Variants in KIAA0825 observed in about 807,000 individuals in gnomAD.
The protein encoded by KIAA0825 is uncharacterized protein KIAA0825.
In KIAA0825, 119 loss-of-function variants were observed where a neutral mutation model predicts 147.6. That is an observed-to-expected ratio of 0.81 (90% CI 0.69 to 0.94). The LOEUF (loss-of-function observed/expected upper bound fraction) is 0.94. Among genes scored for constraint, KIAA0825 ranks in the 40% least tolerant of loss-of-function variants. The pLI is 0.00. For missense variants in KIAA0825, 1,381 were observed against 1,472.7 expected (o/e 0.94, Z 1.02); for synonymous variants, 470 against 518.1 (o/e 0.91, Z 1.26).
intron 5 of KIAA0825, among the ~76,000 whole-genome samples, chr5:94,486,780 G>T (rs1352276660): frequency 6.6e-6 from 1 of 152,102 alleles, no homozygotes; most frequent in Non-Finnish European, 1.5e-5. Context: ...TTCCCATTTG[G>T]TCTATTTGAC....
At chr5:94,451,389 G>A (rs907542815) in intron 13 of KIAA0825, among the ~76,000 whole-genome samples, 1 of 152,102 alleles carries the variant, frequency 6.6e-6, no homozygotes, top group African/African-American at 2.4e-5. Context: ...ATTGCTTATA[G>A]TTGATTCCTA....
intron 5 of KIAA0825, among the ~76,000 whole-genome samples, chr5:94,485,712 A>G (rs1439043174): frequency 6.6e-6 from 1 of 151,826 alleles, no homozygotes; most frequent in Non-Finnish European, 1.5e-5. Flanking sequence ...AATTATTTGT[A>G]TTATCCTGGC....
chr5:94,282,779 T>C (rs1777520131), intron 20 of KIAA0825, among the ~76,000 whole-genome samples: 1 of 152,050 alleles, frequency 6.6e-6, no homozygotes, highest in South Asian at 2.1e-4. Flanking sequence ...GACAGGCAAA[T>C]AACTTTGACT....
intron 11 of KIAA0825, among the ~76,000 whole-genome samples, chr5:94,463,972 A>G (rs544601353): frequency 1.3e-5 from 2 of 151,364 alleles, no homozygotes; most frequent in South Asian, 4.2e-4. Flanking sequence ...TGTGCAAAAT[A>G]CCATATTTAT....
chr5:94,229,428 T>C (rs1437560565), intron 20 of KIAA0825, among the ~76,000 whole-genome samples: 1 of 152,052 alleles, frequency 6.6e-6, no homozygotes, highest in Non-Finnish European at 1.5e-5. Context: ...TGATGTACAT[T>C]GGTATGGGTC....
intron 20 of KIAA0825, among the ~76,000 whole-genome samples, chr5:94,338,989 T>C (rs539499899): frequency 6.6e-6 from 1 of 152,192 alleles, no homozygotes; most frequent in Non-Finnish European, 1.5e-5. Context: ...ATTTGCCTTA[T>C]ATAAAGACAT....
At chr5:94,432,773 C>T (rs1755855437) in intron 14 of KIAA0825, among the ~76,000 whole-genome samples, 1 of 152,128 alleles carries the variant, frequency 6.6e-6, no homozygotes, top group Admixed American at 6.5e-5. Context: ...TATCTGTAAT[C>T]CCAGCACTTT....
chr5:94,508,282 G>T (rs1017302028), intron 5 of KIAA0825, among the ~76,000 whole-genome samples: 1 of 152,132 alleles, frequency 6.6e-6, no homozygotes, highest in Non-Finnish European at 1.5e-5. Flanking sequence ...TACAAATGGT[G>T]CCAGGAGTTT....
At chr5:94,305,493 T>C (rs1219117289) in intron 20 of KIAA0825, among the ~76,000 whole-genome samples, 1 of 151,970 alleles carries the variant, frequency 6.6e-6, no homozygotes, top group African/African-American at 2.4e-5. Flanking sequence ...GGTTTCACGA[T>C]GTAAAATGAG....
At chr5:94,174,723 A>T (rs2149958753) in intron 20 of KIAA0825, among the ~76,000 whole-genome samples, 1 of 152,316 alleles carries the variant, frequency 6.6e-6, no homozygotes, top group African/African-American at 2.4e-5. Context: ...TTGCTAATTT[A>T]TTCAGCTTTC....
At chr5:94,192,577 T>C (rs745689356) in intron 20 of KIAA0825, among the ~76,000 whole-genome samples, 19 of 152,298 alleles carry the variant, frequency 1.2e-4, no homozygotes, top group Admixed American at 6.5e-5. Flanking sequence ...ATCCAAATGA[T>C]TGGGATATAA....
chr5:94,545,531 G>C (rs1243825894), intron 2 of KIAA0825, among the ~76,000 whole-genome samples: 1 of 152,156 alleles, frequency 6.6e-6, no homozygotes, highest in Non-Finnish European at 1.5e-5. Context: ...AGCAACAATA[G>C]TACAGGGTAC....
intron 20 of KIAA0825, among the ~76,000 whole-genome samples, chr5:94,290,384 G>C (rs572762265): frequency 1.1e-4 from 17 of 152,122 alleles, no homozygotes; most frequent in Non-Finnish European, 2.4e-4. Flanking sequence ...AACATGCAGT[G>C]TTTGGTTTTC....
intron 15 of KIAA0825, among the ~76,000 whole-genome samples, chr5:94,410,074 TAAG>T (rs1180657526): frequency 6.6e-6 from 1 of 151,598 alleles, no homozygotes; most frequent in Non-Finnish European, 1.5e-5. Context: ...CATATATGTA[TAAG>T]AATATTTAAA....
intron 6 of KIAA0825, among the ~76,000 whole-genome samples, chr5:94,480,395 T>A (rs1185182935): frequency 6.6e-6 from 1 of 152,084 alleles, no homozygotes; most frequent in African/African-American, 2.4e-5. Flanking sequence ...AGTTTTCAGT[T>A]TTTTAGAACA....
chr5:94,520,959 GA>G (rs758852407), intron 4 of KIAA0825, 42 bp from the exon 5 acceptor site: 16 of 1,399,200 alleles, frequency 1.1e-5, no homozygotes, highest in Non-Finnish European at 1.4e-5. Flanking sequence ...AAGTGCAATA[GA>G]AAAAATGATT....
chr5:94,491,488 C>G (rs995627365), intron 5 of KIAA0825, among the ~76,000 whole-genome samples: 1 of 152,034 alleles, frequency 6.6e-6, no homozygotes, highest in African/African-American at 2.4e-5. Flanking sequence ...CTCAAATGCT[C>G]GGTTCCATGG....
intron 1 of KIAA0825, among the ~76,000 whole-genome samples, chr5:94,609,447 AT>A (rs1260139588): frequency 1.3e-5 from 2 of 152,196 alleles, no homozygotes. Context: ...AATACAAAAA[AT>A]ATAAGTAGAT....
chr5:94,584,664 C>T (rs1782903968), intron 1 of KIAA0825, among the ~76,000 whole-genome samples: 2 of 152,148 alleles, frequency 1.3e-5, no homozygotes, highest in African/African-American at 4.8e-5. Context: ...GACAGGCCAA[C>T]ATTCAAATTC....
Sources: allele counts gnomAD v4.1 joint callset (sites outside exome capture counted in the v4.1 genomes callset), GRCh38; gene constraint gnomAD v4.1.1; transcripts MANE v1.5; gene names NCBI Gene and HGNC (gene_info 2026-07-23, HGNC 2026-07-21).